Variants in SUGP1 observed in about 807,000 individuals in gnomAD.
The protein encoded by SUGP1 is SURP and G-patch domain-containing protein 1.
Under a neutral mutation model 76.5 loss-of-function variants are expected in SUGP1, and 34 were observed. That is an observed-to-expected ratio of 0.44 (90% CI 0.34 to 0.59). The LOEUF is 0.59. SUGP1 is among the 20% of genes least tolerant of loss of function. The pLI is 0.01. For missense variants in SUGP1, 752 were observed against 851.7 expected, an observed-to-expected ratio of 0.88 and a Z score of 1.46; for synonymous variants, 326 against 326.2, an observed-to-expected ratio of 1.00 and a Z score of 0.01.
chr19:19,314,097 A>G lies in SUGP1; in HGVS notation c.206+2325T>C, dbSNP rs2061373493. On this transcript the variant is annotated intron_variant, in intron 2 of 13. Coordinates refer to ENST00000247001, the MANE Select transcript of SUGP1 (RefSeq NM_172231.4). ...GGTCGCAGTGAGCCAAGATCACACC[A>G]CTGCACTCCAGCCTGGGCGGCTGAG... 2.6e-5 allele frequency among the ~76,000 whole-genome samples: 4 copies of G among 151,998 alleles called. No homozygotes were observed. The South Asian group carries it at 8.3e-4, about 31-fold the overall frequency.
At chr19:19,292,321 C>T (rs1166681556) in intron 8 of SUGP1, among the ~76,000 whole-genome samples, 3 of 151,062 alleles carry the variant, frequency 2.0e-5, no homozygotes, top group African/African-American at 7.3e-5. Context: ...CAAACTCTTC[C>T]AAAAACACAA....
Position 19,279,354 on chromosome 19 carries a change from G to A in SUGP1, c.1387C>T (p.Arg463Trp), listed in dbSNP as rs765736375. ...QMYDMIMQHK[R>W]AMQDMQLLWE... ...AGCAGCTGCATGTCCTGCATGGCCC[G>A]CTTGTGCTGCATGATCATGTCGTAC... The change falls in exon 10 of 14, where the codon CGG becomes TGG. Residue 463 changes from arginine (R) to tryptophan (W), a missense_variant. Coordinates refer to ENST00000247001, the MANE Select transcript of SUGP1 (RefSeq NM_172231.4). The A allele has an allele frequency of 6.8e-6, 11 of 1,609,144 alleles. No homozygotes were observed. The highest frequency in any genetic ancestry group is 2.2e-5 in the East Asian group (1 of 44,870).
chr19:19,303,479 G>T (rs368137482), intron 5 of SUGP1, 31 bp from the exon 6 acceptor site: 1 of 1,582,310 alleles, frequency 6.3e-7, no homozygotes, highest in African/African-American at 1.3e-5. Context: ...AGAAGAGAGG[G>T]GAAAATAAGT....
At chr19:19,280,415 A>G in intron 8 of SUGP1, 124 bp from the exon 9 acceptor site, 1 of 844,782 alleles carries the variant, frequency 1.2e-6, no homozygotes, top group Non-Finnish European at 1.9e-6. Flanking sequence ...ACCTCATATC[A>G]TTACTGTCAG....
chr19:19,280,118 C>T (rs1011955639), intron 9 of SUGP1, 67 bp downstream of exon 9: 19 of 1,470,568 alleles, frequency 1.3e-5, no homozygotes, highest in African/African-American at 2.8e-5. Context: ...CCGCTGCACC[C>T]GGGGGTAGAG....
At position 19,306,100 on chromosome 19, in the gene SUGP1, G is replaced by C. The variant is rs756664463; in HGVS notation, c.311-24C>G. Reference sequence around the variant, plus strand: ...GTCTGGTATAGAAGGAAGGATATGCGCACTCGGGATCTGCAGGGCACCTCT... The same window carrying C: ...GTCTGGTATAGAAGGAAGGATATGCCCACTCGGGATCTGCAGGGCACCTCT... On this transcript the variant is annotated intron_variant, in intron 3 of 13. Transcript: ENST00000247001. The C allele has an allele frequency of 7.9e-6, 12 of 1,525,714 alleles. No homozygotes were observed. In the South Asian group the frequency reaches 1.5e-4, roughly 19 times the overall value. 94.5% of individuals were successfully genotyped at this position (1,525,714 alleles called of 1,614,324 possible).
At chr19:19,277,257 G>GA (rs1375669190) in intron 12 of SUGP1, among the ~76,000 whole-genome samples, 181 bp from the exon 13 acceptor site, 1 of 150,334 alleles carries the variant, frequency 6.7e-6, no homozygotes, top group Non-Finnish European at 1.5e-5. Context: ...CGGGCGGGGG[G>GA]GGGGGGCCTA....
intron 6 of SUGP1, among the ~76,000 whole-genome samples, chr19:19,303,000 G>A (rs115400656): frequency 6.6e-6 from 1 of 152,102 alleles, no homozygotes; most frequent in Non-Finnish European, 1.5e-5. Flanking sequence ...GAGGAAGCTG[G>A]GGCTCATCAA....
rs17751061 is a variant in SUGP1, at chr19:19,302,283, C to G, written c.869G>C (p.Arg290Pro). 4.3e-6 allele frequency: 7 copies of G among 1,614,006 alleles called. No homozygotes were observed. The African/African-American group carries it at 5.3e-5, about 12-fold the overall frequency. Residue 290 changes from arginine to proline, a missense_variant, in exon 7 of 14, where the codon CGT becomes CCT. Arg to Pro is a moderately radical substitution (Grantham distance 103). Around this residue, in one of 2 missense-constraint regions of SUGP1, gnomAD observed 620 missense variants for 617.3 expected, o/e 1.00. Coordinates refer to ENST00000247001, the MANE Select transcript of SUGP1 (RefSeq NM_172231.4). Reference sequence around the variant, plus strand: ...CCCTTACCTGAATGCCTGGTTCTCACGGTTGTTCTGGAGGGCAATGGTTTC... The same window carrying G: ...CCCTTACCTGAATGCCTGGTTCTCAGGGTTGTTCTGGAGGGCAATGGTTTC... ...EVETIALQNN[R>P]ENQAFSFLYE...
chr19:19,277,269 G>T (rs1408096589), intron 12 of SUGP1, among the ~76,000 whole-genome samples, 193 bp from the exon 13 acceptor site: 1 of 150,532 alleles, frequency 6.6e-6, no homozygotes, highest in Non-Finnish European at 1.5e-5. Flanking sequence ...GGGGGCCTAG[G>T]CCCCAGGGTC....
intron 1 of SUGP1, among the ~76,000 whole-genome samples, chr19:19,319,502 T>C (rs993053751): frequency 6.6e-6 from 1 of 151,522 alleles, no homozygotes; most frequent in Non-Finnish European, 1.5e-5. Flanking sequence ...TTTAAGAGGC[T>C]GAGATGGGAG....
At chr19:19,297,411 G>A (rs915976400) in intron 7 of SUGP1, 67 bp from the exon 8 acceptor site, 20 of 1,372,936 alleles carry the variant, frequency 1.5e-5, no homozygotes, top group African/African-American at 1.3e-4. Context: ...TTCTGGGCAG[G>A]AGCAGTTCTG....
intron 8 of SUGP1, among the ~76,000 whole-genome samples, chr19:19,289,117 G>A (rs537544916): frequency 6.6e-6 from 1 of 152,064 alleles, no homozygotes; most frequent in Admixed American, 6.6e-5. Context: ...AGGGCTTGGT[G>A]TCCCAACCCC....
intron 2 of SUGP1, among the ~76,000 whole-genome samples, chr19:19,315,439 C>G (rs546781720): frequency 6.6e-6 from 1 of 152,328 alleles, no homozygotes; most frequent in African/African-American, 2.4e-5. Flanking sequence ...TTATCAATCT[C>G]CAGCCTGAAA....
intron 7 of SUGP1, 26 bp downstream of exon 7, chr19:19,302,239 C>A: frequency 6.2e-7 from 1 of 1,612,956 alleles, no homozygotes; most frequent in Non-Finnish European, 8.5e-7. Context: ...GGGTGACGGT[C>A]ACCTCCCTGG....
intron 7 of SUGP1, among the ~76,000 whole-genome samples, chr19:19,299,942 C>T (rs1211868729): frequency 2.0e-5 from 3 of 151,618 alleles, no homozygotes; most frequent in Non-Finnish European, 4.4e-5. Flanking sequence ...CAGGCATGCG[C>T]TAATTTTGTA....
intron 8 of SUGP1, among the ~76,000 whole-genome samples, chr19:19,289,710 A>G (rs779848580): frequency 2.0e-5 from 3 of 152,114 alleles, no homozygotes; most frequent in Non-Finnish European, 4.4e-5. Context: ...ATAGTGCCAC[A>G]GCACTCCAGC....
At chr19:19,281,929 A>G (rs1400740287) in intron 8 of SUGP1, among the ~76,000 whole-genome samples, 1 of 152,182 alleles carries the variant, frequency 6.6e-6, no homozygotes, top group East Asian at 1.9e-4. Context: ...TGAAAAGGTG[A>G]TTGTGTAAAA....
chr19:19,307,838 T>C (rs2061328146), intron 3 of SUGP1, among the ~76,000 whole-genome samples: 1 of 152,048 alleles, frequency 6.6e-6, no homozygotes, highest in Non-Finnish European at 1.5e-5. Context: ...CTAATTTTTG[T>C]ATTTTTAGTA....
Sources: allele counts gnomAD v4.1 joint callset (sites outside exome capture counted in the v4.1 genomes callset), GRCh38; gene constraint gnomAD v4.1.1; regional missense constraint gnomAD v4.1.1; transcripts MANE v1.5; gene names NCBI Gene and HGNC (gene_info 2026-07-23, HGNC 2026-07-21).